Variants in MLLT10 observed in about 807,000 individuals in gnomAD.
MLLT10 encodes the protein protein AF-10.
MLLT10 carries 30 observed loss-of-function variants against 129.1 expected under a neutral mutation model. The ratio of observed to expected loss-of-function variants is 0.23; its 90% confidence interval spans 0.17 to 0.32. The LOEUF (loss-of-function observed/expected upper bound fraction) is 0.32, where lower values mean the gene tolerates loss of function less well. Among genes scored for constraint, MLLT10 ranks in the 10% least tolerant of loss-of-function variants. The pLI is 1.00. For synonymous variants in MLLT10, 490 were observed against 446.4 expected (o/e 1.10, Z -1.23); for missense variants, 1,119 against 1,268.3 (o/e 0.88, Z 1.79).
At chr10:21,648,296 A>C (rs1013576298) in intron 8 of MLLT10, among the ~76,000 whole-genome samples, 1 of 152,216 alleles carries the variant, frequency 6.6e-6, no homozygotes, top group East Asian at 1.9e-4. Flanking sequence ...TGCTCATTGC[A>C]GGATACATTT....
chr10:21,557,088 A>G (rs2038125548), intron 3 of MLLT10: 1 of 1,405,746 alleles, frequency 7.1e-7, no homozygotes, highest in Admixed American at 3.2e-5. Context: ...GAATCATCTC[A>G]TGAATTCTGC....
At chr10:21,535,778 A>G (rs1266794526) in intron 2 of MLLT10, among the ~76,000 whole-genome samples, 1 of 152,150 alleles carries the variant, frequency 6.6e-6, no homozygotes, top group Admixed American at 6.5e-5. Context: ...GTTGGAAAGG[A>G]CTACCACCAA....
chr10:21,718,136 C>T (rs1470649718), intron 14 of MLLT10, among the ~76,000 whole-genome samples: 3 of 152,028 alleles, frequency 2.0e-5, no homozygotes, highest in South Asian at 2.1e-4. Flanking sequence ...TGGGCCACTG[C>T]GCCCGGCCTC....
intron 3 of MLLT10, among the ~76,000 whole-genome samples, chr10:21,543,605 A>C (rs985370492): frequency 5.3e-5 from 8 of 152,044 alleles, no homozygotes; most frequent in Non-Finnish European, 1.2e-4. Flanking sequence ...CAGCCTCCGG[A>C]GTAGCTGGGA....
intron 8 of MLLT10, chr10:21,625,982 CTGTT>C: frequency 1.1e-6 from 1 of 896,744 alleles, no homozygotes; most frequent in South Asian, 1.3e-5. Flanking sequence ...AGAGTACACA[CTGTT>C]TGGTGGAGGC....
intron 13 of MLLT10, among the ~76,000 whole-genome samples, chr10:21,699,801 G>T (rs1014535871): frequency 6.6e-6 from 1 of 151,996 alleles, no homozygotes; most frequent in African/African-American, 2.4e-5. Context: ...ATTTTGAAGT[G>T]ACGTAGCATG....
At chr10:21,628,012 G>A (rs2046626060) in intron 8 of MLLT10, among the ~76,000 whole-genome samples, 1 of 152,088 alleles carries the variant, frequency 6.6e-6, no homozygotes, top group African/African-American at 2.4e-5. Context: ...CCAATTTTCA[G>A]TTACCTTTTT....
In MLLT10 at chr10:21,653,313, A is replaced by C. The variant is rs138138303; in HGVS notation, c.795+1545A>C. On this transcript the variant is annotated intron_variant, in intron 9 of 22. Transcript: ENST00000307729. ...TTATATGCTTGGTCAGGTTATTGGC[A>C]AAATTTGGTTCCTTGTGATTGGTTG... is the stretch of plus-strand genomic sequence containing the variant. Among the ~76,000 whole-genome samples, 8 of 152,222 alleles carry C rather than the reference A, an allele frequency of 5.3e-5. No homozygotes were observed. In the East Asian group the frequency reaches 1.5e-3, roughly 29 times the overall value.
intron 9 of MLLT10, among the ~76,000 whole-genome samples, chr10:21,654,171 G>T (rs1477755053): frequency 6.6e-6 from 1 of 152,222 alleles, no homozygotes; most frequent in Non-Finnish European, 1.5e-5. Flanking sequence ...CCTGATTGGA[G>T]TGCTTTATAG....
intron 3 of MLLT10, among the ~76,000 whole-genome samples, chr10:21,542,954 GGTTTTTTTTTT>G (rs1018906572): frequency 1.5e-4 from 23 of 151,410 alleles, no homozygotes; most frequent in African/African-American, 2.9e-4. Context: ...GTGACATTAA[GGTTTTTTTTTT>G]GTTTTTTTTT....
rs1365310110 is a variant in MLLT10, at chr10:21,595,625, A to G, written c.405+185A>G. ...TACTAAGGTCACAGGAGTACAAAGCAAGCAAAACTGTGTTACCTTTTATAG... is the reference window on the plus strand; with the variant it reads ...TACTAAGGTCACAGGAGTACAAAGCGAGCAAAACTGTGTTACCTTTTATAG... On this transcript the variant is annotated intron_variant, in intron 5 of 22. Transcript: ENST00000307729. 6.3e-6 allele frequency: 3 copies of G among 476,724 alleles called. No homozygotes were observed. The East Asian group carries it at 9.0e-5, about 14-fold the overall frequency. The allele number at this position is 476,724 out of a possible 1,614,324, so 29.5% of individuals were successfully genotyped here. A position where few individuals can be genotyped will look rare whatever the true frequency, so the allele number is the denominator to read the frequency against.
intron 11 of MLLT10, 130 bp from the exon 12 acceptor site, chr10:21,681,202 G>T (rs1238635677): frequency 3.6e-6 from 4 of 1,113,488 alleles, no homozygotes; most frequent in Non-Finnish European, 5.2e-6. Flanking sequence ...TTTTGTTTTT[G>T]AAGTTCTAGG....
chr10:21,681,275 T>C (rs1006187562), intron 11 of MLLT10, 57 bp from the exon 12 acceptor site: 2 of 1,603,178 alleles, frequency 1.2e-6, no homozygotes, highest in Non-Finnish European at 1.7e-6. Context: ...TCTCTTTTTT[T>C]ACCCTTGAGT....
At position 21,663,883 on chromosome 10, in the gene MLLT10, A is replaced by G. The variant is rs150068679; in HGVS notation, c.796-6566A>G. On this transcript the variant is annotated intron_variant, in intron 9 of 22. Transcript: ENST00000307729. ...TTTTTGTTTAGCAGTTTGCCCTGTG[A>G]CCTCTCAATTCACTGATATAAGAGT... 2.0e-5 allele frequency among the ~76,000 whole-genome samples: 3 copies of G among 152,110 alleles called. No homozygotes were observed. In the East Asian group the frequency reaches 5.8e-4, roughly 29 times the overall value.
chr10:21,674,054 G>T, intron 11 of MLLT10, 135 bp downstream of exon 11: 1 of 708,078 alleles, frequency 1.4e-6, no homozygotes. Flanking sequence ...AAATTTCTCA[G>T]TTTTTAAATT....
chr10:21,730,309 G>GAAAAAAAA (rs10568793), intron 16 of MLLT10, among the ~76,000 whole-genome samples: 1 of 122,846 alleles, frequency 8.1e-6, no homozygotes. Context: ...CTCCAAAAAT[G>GAAAAAAAA]AAAAAAAAAA....
At chr10:21,610,549 G>A (rs1023675714) in intron 5 of MLLT10, among the ~76,000 whole-genome samples, 1 of 151,440 alleles carries the variant, frequency 6.6e-6, no homozygotes. Context: ...CTACTTGACT[G>A]TTTTTCACCT....
Position 21,673,567 on chromosome 10 carries a change from C to T in MLLT10, c.1269C>T (p.Thr423=), listed in dbSNP as rs2051738944. 2.5e-6 allele frequency: 4 copies of T among 1,613,144 alleles called. No homozygotes were observed. The highest frequency in any genetic ancestry group is 3.4e-6 in the Non-Finnish European group (4 of 1,179,754). The change falls in exon 11 of 23, where the codon ACC becomes ACT. Residue 423 remains threonine (T), a synonymous_variant. Coordinates refer to ENST00000307729, the MANE Select transcript of MLLT10 (RefSeq NM_001195626.3). ...GTACCTTAATTGGCCTCCCTTCAAC[C>T]TCAGCTGTTACTTCACAGCCTAAAA... ...SFSTLIGLPS[T]SAVTSQPKSF...
intron 4 of MLLT10, among the ~76,000 whole-genome samples, chr10:21,594,049 A>T (rs2042775135): frequency 6.7e-6 from 1 of 149,460 alleles, no homozygotes; most frequent in African/African-American, 2.5e-5. Context: ...GGGGGTTGTA[A>T]TTTAGGATTA....
Sources: gnomAD v4.1 joint callset for allele counts (sites outside exome capture counted in the v4.1 genomes callset) on GRCh38, gnomAD v4.1.1 for gene constraint, MANE v1.5 for transcripts, NCBI Gene and HGNC (gene_info 2026-07-23, HGNC 2026-07-21) for gene names.